OSBPL10: variants seen among roughly 807,000 people sequenced by gnomAD.
OSBPL10 encodes oxysterol binding protein like 10.
Under a neutral mutation model 81.7 loss-of-function variants are expected in OSBPL10, and 49 were observed. The ratio of observed to expected loss-of-function variants is 0.60; its 90% CI spans 0.48 to 0.76. The LOEUF is 0.76. Among genes scored for constraint, OSBPL10 ranks in the 30% least tolerant of loss-of-function variants. The probability of loss-of-function intolerance (pLI) is 0.00; values close to 1 mark genes in which losing one functional copy is unlikely to be tolerated. For synonymous variants in OSBPL10, 419 were observed against 383.6 expected, an observed-to-expected ratio of 1.09 and a Z score of -1.08; for missense variants, 923 against 987.8, an observed-to-expected ratio of 0.93 and a Z score of 0.88.
intron 2 of OSBPL10, 57 bp from the exon 3 acceptor site, chr3:31,876,569 C>A (rs1701478210): frequency 6.9e-7 from 1 of 1,448,330 alleles, no homozygotes; most frequent in East Asian, 2.3e-5. Context: ...AAAACACATC[C>A]AACTTATTTC....
chr3:32,000,866 C>A (rs1273420622), intron 2 of OSBPL10, among the ~76,000 whole-genome samples: 1 of 152,182 alleles, frequency 6.6e-6, no homozygotes, highest in African/African-American at 2.4e-5. Context: ...CAACTGAATA[C>A]TCTAAGACGT....
At chr3:31,707,466 T>C (rs989604777) in intron 6 of OSBPL10, 2 of 152,230 alleles carry the variant, frequency 1.3e-5, no homozygotes, top group African/African-American at 4.8e-5. Flanking sequence ...TTCAATCATT[T>C]TTAAAGCCTG....
intron 1 of OSBPL10, among the ~76,000 whole-genome samples, chr3:32,066,937 A>T (rs1486223513): frequency 1.3e-5 from 2 of 152,252 alleles, no homozygotes; most frequent in Non-Finnish European, 2.9e-5. Context: ...AAAAGATCAG[A>T]AGAGATGATA....
intron 2 of OSBPL10, among the ~76,000 whole-genome samples, chr3:32,038,066 A>C (rs1238493332): frequency 1.3e-5 from 2 of 152,206 alleles, no homozygotes; most frequent in Non-Finnish European, 2.9e-5. Flanking sequence ...AGAGATCTGC[A>C]GTGTTCCCTC....
intron 1 of OSBPL10, among the ~76,000 whole-genome samples, chr3:31,956,054 G>A (rs545801769): frequency 6.6e-6 from 1 of 152,334 alleles, no homozygotes; most frequent in African/African-American, 2.4e-5. Context: ...TCCTAAACAT[G>A]TAGCATTGAT....
At chr3:31,735,583 T>C (rs1251307973) in intron 5 of OSBPL10, among the ~76,000 whole-genome samples, 2 of 152,190 alleles carry the variant, frequency 1.3e-5, no homozygotes, top group African/African-American at 2.4e-5. Context: ...GTCACATCAG[T>C]ATTTTTTTCC....
At chr3:32,068,797 C>T (rs1373067164) in intron 1 of OSBPL10, among the ~76,000 whole-genome samples, 2 of 152,096 alleles carry the variant, frequency 1.3e-5, no homozygotes, top group Non-Finnish European at 2.9e-5. Flanking sequence ...TTCCCTCCTG[C>T]CTGTCCCTTC....
chr3:31,747,865 T>G (rs1284182389), intron 5 of OSBPL10, 45 bp downstream of exon 5: 2 of 1,557,016 alleles, frequency 1.3e-6, no homozygotes, highest in Non-Finnish European at 8.8e-7. Context: ...ACAGACACAG[T>G]GTGTGTACTC....
chr3:31,945,666 G>T (rs550991499), intron 1 of OSBPL10, among the ~76,000 whole-genome samples: 1 of 152,144 alleles, frequency 6.6e-6, no homozygotes, highest in African/African-American at 2.4e-5. Context: ...TGCACTCTCA[G>T]GTCTCCATGC....
At chr3:31,716,018 C>G (rs1464707042) in intron 6 of OSBPL10, among the ~76,000 whole-genome samples, 1 of 152,110 alleles carries the variant, frequency 6.6e-6, no homozygotes, top group Non-Finnish European at 1.5e-5. Flanking sequence ...ATGTAAAGCA[C>G]TGTGGGAATG....
chr3:31,807,302 G>C (rs754331967), intron 4 of OSBPL10, among the ~76,000 whole-genome samples: 1 of 152,134 alleles, frequency 6.6e-6, no homozygotes, highest in Middle Eastern at 3.4e-3. Flanking sequence ...GAACCCAGGA[G>C]GTGTAGGCTG....
intron 1 of OSBPL10, among the ~76,000 whole-genome samples, chr3:31,964,473 T>A (rs1246775982): frequency 6.6e-6 from 1 of 152,216 alleles, no homozygotes; most frequent in Non-Finnish European, 1.5e-5. Flanking sequence ...GCACTCTTAA[T>A]GGGTAAGCAG....
chr3:31,714,299 G>A (rs1433012638), intron 6 of OSBPL10, among the ~76,000 whole-genome samples: 2 of 152,146 alleles, frequency 1.3e-5, no homozygotes, highest in African/African-American at 4.8e-5. Flanking sequence ...GGGTCACCCT[G>A]GACACTGCAG....
At chr3:31,699,015 A>G (rs113085403) in intron 7 of OSBPL10, among the ~76,000 whole-genome samples, 5 of 152,220 alleles carry the variant, frequency 3.3e-5, no homozygotes, top group Non-Finnish European at 1.5e-5. Flanking sequence ...TGTCTAAAAC[A>G]GTATCTGGCA....
intron 3 of OSBPL10, among the ~76,000 whole-genome samples, chr3:31,853,721 A>C (rs756931348): frequency 7.2e-5 from 11 of 152,188 alleles, no homozygotes; most frequent in African/African-American, 2.7e-4. Flanking sequence ...CACTTCTGCC[A>C]CATTTCAGGA....
At chr3:31,885,828 CAAA>C (rs34871532) in intron 1 of OSBPL10, among the ~76,000 whole-genome samples, 22 of 122,610 alleles carry the variant, frequency 1.8e-4, no homozygotes, top group African/African-American at 6.3e-4. Flanking sequence ...ACTAAAAATA[CAAA>C]AAAAAAAAAA....
intron 5 of OSBPL10, among the ~76,000 whole-genome samples, chr3:31,746,632 T>C (rs1439346986): frequency 6.6e-6 from 1 of 151,054 alleles, no homozygotes; most frequent in Non-Finnish European, 1.5e-5. Context: ...GAGCCAAGAT[T>C]GCACCATTGC....
intron 7 of OSBPL10, chr3:31,700,236 G>C (rs1477547054): frequency 6.6e-6 from 1 of 152,188 alleles, no homozygotes; most frequent in Admixed American, 6.5e-5. Context: ...CTTTCAAGAA[G>C]AGGCTGTGGC....
chr3:31,831,760 G>A (rs1043633225), intron 3 of OSBPL10, among the ~76,000 whole-genome samples: 6 of 152,174 alleles, frequency 3.9e-5, no homozygotes, highest in Non-Finnish European at 8.8e-5. Context: ...CAGGGCCACA[G>A]AGAAACGAGT....
Sources: gnomAD v4.1 joint callset for allele counts (sites outside exome capture counted in the v4.1 genomes callset) on GRCh38, gnomAD v4.1.1 for gene constraint, MANE v1.5 for transcripts, NCBI Gene and HGNC (gene_info 2026-07-23, HGNC 2026-07-21) for gene names.